PLD3: variants seen among roughly 807,000 people sequenced by gnomAD.
The protein encoded by PLD3 is 5'-3' exonuclease PLD3.
A neutral mutation model predicts 58.4 loss-of-function variants in PLD3; 31 were observed. That is an observed-to-expected ratio of 0.53 (90% CI 0.40 to 0.72). PLD3 has a LOEUF of 0.72. PLD3 is among the 30% of genes least tolerant of loss of function. PLD3 has a pLI of 0.00. For synonymous variants in PLD3, 264 were observed against 273.4 expected (o/e 0.97, Z 0.34); for missense variants, 595 against 659.8 (o/e 0.90, Z 1.08).
chr19:40,373,588 AAG>A (rs981358675), intron 9 of PLD3, among the ~76,000 whole-genome samples: 3 of 143,914 alleles, frequency 2.1e-5, no homozygotes, highest in African/African-American at 5.1e-5. Context: ...AAAAAAAAAA[AAG>A]GGGGGGAAGC....
At position 40,365,763 on chromosome 19, in the gene PLD3, G is replaced by T. The variant is rs1402817064; in HGVS notation, c.-233G>T. ...GGAGCCGAGCCCCGCTTCTCGCTGC[G>T]GTGAGCCCGGACTGGGGCACGCACT... On this transcript the variant is annotated 5_prime_UTR_variant, in exon 2 of 13. Transcript: ENST00000409735. The T allele has an allele frequency of 6.6e-6, 1 of 152,640 alleles. No individual in the cohort carries two copies. Among genetic ancestry groups the T allele is most frequent in the Non-Finnish European group, 1.5e-5 (1 of 68,352 alleles). The allele number at this position is 152,640 out of a possible 1,614,324, so 9.5% of individuals were successfully genotyped here.
rs557618013 is a variant in PLD3 at position 40,373,300 on chromosome 19, G to A, written c.880-1181G>A. ...GAGCATTAAGGAAGATGGGGGGCCA[G>A]GCACAGTGGCTCATGCCTGTAATCC... On this transcript the variant is annotated intron_variant, in intron 9 of 12. Transcript: ENST00000409735. Among the ~76,000 whole-genome samples the A allele has an allele frequency of 4.6e-5, 7 of 152,260 alleles. No individual in the cohort carries two copies. In the East Asian group the frequency reaches 9.7e-4, roughly 21 times the overall value.
At position 40,371,889 on chromosome 19, in the gene PLD3, G is replaced by C. The variant is rs749308789; in HGVS notation, c.879+16G>C. On this transcript the variant is annotated intron_variant, in intron 9 of 12. Coordinates refer to ENST00000409735, the MANE Select transcript of PLD3 (RefSeq NM_012268.4). ...CTACCTGGCGGTGAGTCTGGGGCAA[G>C]TGGGGCCTGTCATGTCCCAGCCCCA... is the stretch of plus-strand genomic sequence containing the variant. 2 of 1,605,854 alleles carry C rather than the reference G, an allele frequency of 1.2e-6. No individual in the cohort carries two copies. Among genetic ancestry groups the C allele is most frequent in the Non-Finnish European group, 1.7e-6 (2 of 1,173,226 alleles).
intron 9 of PLD3, 50 bp from the exon 10 acceptor site, chr19:40,374,431 T>C (rs776211299): frequency 5.0e-6 from 8 of 1,605,150 alleles, no homozygotes; most frequent in Non-Finnish European, 6.8e-6. Context: ...GGGTCCGTTG[T>C]GACGATGACC....
At chr19:40,350,975 C>T (rs769131814) in intron 1 of PLD3, among the ~76,000 whole-genome samples, 2 of 152,006 alleles carry the variant, frequency 1.3e-5, no homozygotes, top group African/African-American at 2.4e-5. Context: ...CGGTGGCTCA[C>T]GCCTGTGATC....
rs781068376 is a variant in PLD3 at position 40,371,758 on chromosome 19, G to A, written c.764G>A (p.Gly255Asp). The A allele has an allele frequency of 1.2e-5, 20 of 1,613,836 alleles. 1 individual carries two copies. In the South Asian group the frequency reaches 2.1e-4, roughly 17 times the overall value. The change falls in exon 9 of 13, where the codon GGC (glycine) becomes GAC (aspartate). Residue 255 changes from glycine to aspartate, a missense_variant. Coordinates refer to ENST00000409735, the MANE Select transcript of PLD3 (RefSeq NM_012268.4). ...ATCTTTGAGGCCTACTGGTTCCTGG[G>A]CCAGGCAGGCAGCTCCATCCCATCA... ...TKIFEAYWFL[G>D]QAGSSIPSTW...
At chr19:40,373,600 C>T (rs1292688775) in intron 9 of PLD3, among the ~76,000 whole-genome samples, 3 of 136,058 alleles carry the variant, frequency 2.2e-5, no homozygotes, top group East Asian at 2.1e-4. Flanking sequence ...GGGGGGGAAG[C>T]GGGGGAGCGG....
intron 1 of PLD3, among the ~76,000 whole-genome samples, chr19:40,364,402 C>T (rs1210496231): frequency 6.6e-6 from 1 of 151,708 alleles, no homozygotes; most frequent in East Asian, 1.9e-4. Context: ...CCTGTAATCT[C>T]AGAACTTTGG....
intron 6 of PLD3, 164 bp from the exon 7 acceptor site, chr19:40,369,744 A>C (rs113482679): frequency 1.7e-5 from 11 of 640,838 alleles, no homozygotes; most frequent in Non-Finnish European, 2.5e-5. Context: ...AAAACAGATA[A>C]GGAAGTCTTT....
intron 3 of PLD3, 45 bp downstream of exon 3, chr19:40,366,555 G>T: frequency 6.3e-7 from 1 of 1,594,804 alleles, no homozygotes; most frequent in Non-Finnish European, 8.6e-7. Context: ...GGGTACAGTG[G>T]GGGTGGGGGT....
chr19:40,373,582 A>C (rs956393174), intron 9 of PLD3, among the ~76,000 whole-genome samples: 1 of 150,684 alleles, frequency 6.6e-6, no homozygotes, highest in Non-Finnish European at 1.5e-5. Context: ...ACTTCAAAAA[A>C]AAAAAAAGGG....
intron 1 of PLD3, among the ~76,000 whole-genome samples, chr19:40,364,919 A>G (rs191256012): frequency 1.7e-3 from 260 of 152,004 alleles, no homozygotes; most frequent in African/African-American, 5.7e-3. Flanking sequence ...AGCTATGATC[A>G]TGCTGCTGCA....
intron 8 of PLD3, 135 bp downstream of exon 8, chr19:40,370,372 AC>A: frequency 1.0e-6 from 1 of 979,204 alleles, no homozygotes; most frequent in Non-Finnish European, 1.5e-6. Flanking sequence ...CTTGCCTCCT[AC>A]CAGGCCTCCC....
chr19:40,361,773 C>T (rs939592806), intron 1 of PLD3, among the ~76,000 whole-genome samples: 1 of 151,850 alleles, frequency 6.6e-6, no homozygotes, highest in Non-Finnish European at 1.5e-5. Context: ...CCACCCCCTT[C>T]CCTGATCCTC....
chr19:40,363,321 G>A (rs1055036021), intron 1 of PLD3, among the ~76,000 whole-genome samples: 4 of 150,426 alleles, frequency 2.7e-5, no homozygotes, highest in Non-Finnish European at 5.9e-5. Context: ...ACAATGTTGT[G>A]GTCAACCGCC....
At position 40,367,793 on chromosome 19, in the gene PLD3, G is replaced by A. The variant is rs769925913; in HGVS notation, c.343G>A (p.Gly115Ser). The A allele has an allele frequency of 1.7e-5, 28 of 1,610,864 alleles. No homozygotes were observed. The highest frequency in any genetic ancestry group is 5.0e-5 in the Admixed American group (3 of 59,718). The change falls in exon 6 of 13, where the codon GGT (glycine) becomes AGT (serine). Residue 115 changes from glycine to serine, a missense_variant. Physicochemically the swap from Gly to Ser is moderately conservative, Grantham distance 56. Coordinates refer to ENST00000409735, the MANE Select transcript of PLD3 (RefSeq NM_012268.4). ...TSQAWLGLLA[G>S]AHSSLDIASF... is the part of the protein sequence containing the mutation. ...CCAGGCCTGGCTGGGCCTGCTCGCC[G>A]GTGCGCACAGCAGCCTGGACATCGC...
chr19:40,348,730 T>G lies in PLD3; in HGVS notation c.-317T>G. Reference sequence around the variant, plus strand: ...GCGGGGATACAGCCTGGAAGGTGCGTGTGGGGCTGGGTCTCGGAGTGGGAG... The same window carrying G: ...GCGGGGATACAGCCTGGAAGGTGCGGGTGGGGCTGGGTCTCGGAGTGGGAG... On this transcript the variant is annotated 5_prime_UTR_variant, in exon 1 of 13. Coordinates refer to ENST00000409735, the MANE Select transcript of PLD3 (RefSeq NM_012268.4). 1.9e-6 allele frequency: 1 copy of G among 519,066 alleles called. No individual in the cohort carries two copies. The highest frequency in any genetic ancestry group is 4.6e-4 in the Middle Eastern group (1 of 2,188). The allele number at this position is 519,066 out of a possible 1,614,324, so 32.2% of individuals were successfully genotyped here.
chr19:40,366,977 C>CACACTAAACAGGGCCT, intron 5 of PLD3, 62 bp downstream of exon 5: 1 of 1,519,976 alleles, frequency 6.6e-7, no homozygotes, highest in Non-Finnish European at 8.8e-7. Context: ...CACTTAAGCA[C>CACACTAAACAGGGCCT]ACACTAAACA....
At chr19:40,364,913 A>C (rs1480996731) in intron 1 of PLD3, among the ~76,000 whole-genome samples, 1 of 151,920 alleles carries the variant, frequency 6.6e-6, no homozygotes, top group Non-Finnish European at 1.5e-5. Context: ...GCAGTGAGCT[A>C]TGATCATGCT....
Sources: gnomAD v4.1 joint callset for allele counts (sites outside exome capture counted in the v4.1 genomes callset) on GRCh38, gnomAD v4.1.1 for gene constraint, MANE v1.5 for transcripts, NCBI Gene and HGNC (gene_info 2026-07-23, HGNC 2026-07-21) for gene names.